Variants in EYS observed in about 807,000 individuals in gnomAD.
EYS encodes the protein EGF-like photoreceptor maintenance factor.
In EYS, 250 loss-of-function variants were observed where a neutral mutation model predicts 282.1. The ratio of observed to expected loss-of-function variants is 0.89; its 90% CI spans 0.80 to 0.98. The LOEUF (loss-of-function observed/expected upper bound fraction) is 0.98. Among genes scored for constraint, EYS ranks in the 50% least tolerant of loss-of-function variants. EYS has a pLI of 0.00. For synonymous variants in EYS, 1,355 were observed against 1,282.9 expected (o/e 1.06, Z -1.20); for missense variants, 4,016 against 3,709.0 (o/e 1.08, Z -2.15).
intron 19 of EYS, among the ~76,000 whole-genome samples, chr6:64,865,251 C>G (rs1766392383): frequency 6.6e-6 from 1 of 151,832 alleles, no homozygotes; most frequent in Admixed American, 6.6e-5. Context: ...TATATATACA[C>G]ACATAAAGTC....
rs377209296 is a variant in EYS at position 65,116,267 on chromosome 6, C to A, written c.2024-58540G>T. On this transcript the variant is annotated intron_variant, in intron 12 of 42. Transcript: ENST00000503581. ...TATGACTCTATTACCAACCATAGCACCCTCCTCTTTTACCCACCTACAATA... is the reference window on the plus strand; with the variant it reads ...TATGACTCTATTACCAACCATAGCAACCTCCTCTTTTACCCACCTACAATA... Among the ~76,000 whole-genome samples, 434 of 152,188 alleles carry A rather than the reference C, an allele frequency of 2.9e-3. 3 individuals are homozygous for A. Among genetic ancestry groups the A allele is most frequent in the South Asian group, 0.02 (96 of 4,824 alleles).
chr6:64,468,213 A>T (rs2150490231), intron 26 of EYS, among the ~76,000 whole-genome samples: 1 of 152,286 alleles, frequency 6.6e-6, no homozygotes, highest in African/African-American at 2.4e-5. Context: ...AAGCCTTGTC[A>T]CAGCCTCCAA....
At chr6:65,453,240 T>G (rs1764473388) in intron 5 of EYS, among the ~76,000 whole-genome samples, 1 of 152,038 alleles carries the variant, frequency 6.6e-6, no homozygotes, top group South Asian at 2.1e-4. Context: ...ACTGTCTAAT[T>G]GCACCATGTA....
chr6:63,721,104 T>C lies in EYS; in HGVS notation c.8927A>G (p.Asn2976Ser), dbSNP rs1429566114. 30 of 1,551,396 alleles carry C rather than the reference T, an allele frequency of 1.9e-5. No individual in the cohort carries two copies. Among genetic ancestry groups the C allele is most frequent in the Non-Finnish European group, 2.5e-5 (29 of 1,146,782 alleles). The change falls in exon 43 of 43, where the codon AAC (asparagine) becomes AGC (serine). Residue 2976 changes from asparagine to serine, a missense_variant. By Grantham distance (46) the Asn-to-Ser change is conservative (BLOSUM62 1). Transcript: ENST00000503581. ...KYIDPNYRMR[N>S]LQFTTISLNF... Reference sequence around the variant, plus strand: ...TAAGGATATAGTAGTGAACTGGAGGTTTCTCATTCTATAATTTGGATCAAT... The same window carrying C: ...TAAGGATATAGTAGTGAACTGGAGGCTTCTCATTCTATAATTTGGATCAAT...
chr6:64,538,059 C>T (rs1004328818), intron 26 of EYS, among the ~76,000 whole-genome samples: 8 of 147,452 alleles, frequency 5.4e-5, no homozygotes, highest in African/African-American at 2.2e-4. Context: ...AAGTGTATAG[C>T]TAGGATGCAT....
chr6:64,694,129 A>C (rs1333440304), intron 22 of EYS, among the ~76,000 whole-genome samples: 1 of 152,210 alleles, frequency 6.6e-6, no homozygotes, highest in Non-Finnish European at 1.5e-5. Context: ...GCTGAAAATT[A>C]AAATTGAAAA....
At chr6:65,232,890 G>A (rs1182733574) in intron 12 of EYS, among the ~76,000 whole-genome samples, 2 of 151,980 alleles carry the variant, frequency 1.3e-5, no homozygotes, top group Non-Finnish European at 2.9e-5. Context: ...CATATAAATG[G>A]AATATTATAG....
At chr6:64,607,844 C>T (rs192896166) in intron 24 of EYS, among the ~76,000 whole-genome samples, 2 of 152,170 alleles carry the variant, frequency 1.3e-5, no homozygotes, top group East Asian at 1.9e-4. Context: ...TACATTCTAA[C>T]ATTTGCTATC....
At chr6:64,113,766 G>A (rs1398302324) in intron 31 of EYS, among the ~76,000 whole-genome samples, 1 of 152,082 alleles carries the variant, frequency 6.6e-6, no homozygotes, top group Non-Finnish European at 1.5e-5. Context: ...ATGTTATAAT[G>A]GCTATATTCT....
intron 30 of EYS, among the ~76,000 whole-genome samples, chr6:64,295,150 G>A (rs1011619467): frequency 6.6e-6 from 1 of 150,858 alleles, no homozygotes; most frequent in African/African-American, 2.4e-5. Flanking sequence ...CGAAGCGGGG[G>A]GATCACGAGG....
At chr6:64,840,485 G>T (rs1765530130) in intron 19 of EYS, among the ~76,000 whole-genome samples, 1 of 152,104 alleles carries the variant, frequency 6.6e-6, no homozygotes, top group African/African-American at 2.4e-5. Context: ...CAGGCCAAGT[G>T]ATGGGAGAAC....
At chr6:64,310,638 T>G (rs1769656933) in intron 29 of EYS, among the ~76,000 whole-genome samples, 1 of 152,136 alleles carries the variant, frequency 6.6e-6, no homozygotes, top group Non-Finnish European at 1.5e-5. Context: ...TAATATGTAC[T>G]AGGCTTAATA....
chr6:65,408,848 A>G (rs1167707483), intron 5 of EYS, among the ~76,000 whole-genome samples: 2 of 152,142 alleles, frequency 1.3e-5, no homozygotes, highest in Non-Finnish European at 2.9e-5. Context: ...TGGAACTATA[A>G]GCACTGTTAT....
intron 24 of EYS, among the ~76,000 whole-genome samples, chr6:64,614,428 T>C (rs1767203428): frequency 6.6e-6 from 1 of 152,036 alleles, no homozygotes; most frequent in Admixed American, 6.6e-5. Context: ...GAGTAAGCAT[T>C]GAAGTCAGAC....
chr6:65,223,370 TAAC>T (rs1766525025), intron 12 of EYS, among the ~76,000 whole-genome samples: 2 of 151,942 alleles, frequency 1.3e-5, no homozygotes, highest in African/African-American at 4.8e-5. Context: ...CCATCTCCAA[TAAC>T]AACAACAAGA....
intron 12 of EYS, among the ~76,000 whole-genome samples, chr6:65,173,598 T>A (rs1052402480): frequency 6.0e-5 from 9 of 151,060 alleles, no homozygotes; most frequent in Non-Finnish European, 1.3e-4. Flanking sequence ...TATAACAATT[T>A]TTCATTTCCA....
At chr6:64,904,699 G>T (rs771311406) in intron 16 of EYS, among the ~76,000 whole-genome samples, 3 of 152,124 alleles carry the variant, frequency 2.0e-5, no homozygotes, top group Non-Finnish European at 4.4e-5. Flanking sequence ...GTGGAACTCA[G>T]GGGCACTGAC....
At chr6:63,786,303 G>T (rs1770359833) in intron 39 of EYS, 4 of 150,788 alleles carry the variant, frequency 2.7e-5, no homozygotes, top group Admixed American at 6.6e-5. Context: ...TTATTTAATT[G>T]TAATTCTAAG....
chr6:65,553,281 G>C (rs1768667836), intron 2 of EYS, among the ~76,000 whole-genome samples: 1 of 152,160 alleles, frequency 6.6e-6, no homozygotes, highest in Non-Finnish European at 1.5e-5. Flanking sequence ...AGAAATGTCA[G>C]TGTAGGCAAC....
Sources: allele counts gnomAD v4.1 joint callset (sites outside exome capture counted in the v4.1 genomes callset), GRCh38; gene constraint gnomAD v4.1.1; transcripts MANE v1.5; gene names NCBI Gene and HGNC (gene_info 2026-07-23, HGNC 2026-07-21).